The following POGZ variants were observed in gnomAD, a reference collection of about 807,000 sequenced individuals.
POGZ encodes pogo transposable element with ZNF domain.
A neutral mutation model predicts 134.6 loss-of-function variants in POGZ; 17 were observed. The ratio of observed to expected loss-of-function variants is 0.13; its 90% CI spans 0.09 to 0.19. The LOEUF (loss-of-function observed/expected upper bound fraction) is 0.19. POGZ is among the 10% of genes least tolerant of loss of function. The probability of loss-of-function intolerance (pLI) is 1.00; values close to 1 mark genes in which losing one functional copy is unlikely to be tolerated. For missense variants in POGZ, 1,306 were observed against 1,769.7 expected (o/e 0.74, Z 4.70); for synonymous variants, 693 against 657.1 (o/e 1.05, Z -0.84).
rs980243823 is a variant in POGZ, at chr1:151,408,796, C to T, written c.1959G>A (p.Arg653=). ...TGTCCTTGGCAAAGAGAAACTGCAG[C>T]CGGCATTTGTTGCAGTGATAAACAT... ...KRNVYHCNKC[R]LQFLFAKDKI... The change falls in exon 13 of 19, where the codon CGG becomes CGA. Residue 653 remains arginine (R), a synonymous_variant. Coordinates refer to ENST00000271715, the MANE Select transcript of POGZ (RefSeq NM_015100.4). 6.8e-6 allele frequency: 11 copies of T among 1,613,796 alleles called. No homozygotes were observed. The highest frequency in any genetic ancestry group is 2.2e-5 in the East Asian group (1 of 44,902).
chr1:151,413,895 CT>C (rs1328669163), intron 10 of POGZ, among the ~76,000 whole-genome samples: 1 of 152,120 alleles, frequency 6.6e-6, no homozygotes, highest in Non-Finnish European at 1.5e-5. Flanking sequence ...GGTTCTTAAT[CT>C]GGGGTCTATG....
At chr1:151,437,362 T>C (rs1659792814) in intron 3 of POGZ, among the ~76,000 whole-genome samples, 1 of 152,230 alleles carries the variant, frequency 6.6e-6, no homozygotes, top group Non-Finnish European at 1.5e-5. Flanking sequence ...TAAGAAATCT[T>C]TCCCTCTTCT....
chr1:151,417,022 G>A (rs995485069), intron 10 of POGZ, among the ~76,000 whole-genome samples: 1 of 151,738 alleles, frequency 6.6e-6, no homozygotes, highest in African/African-American at 2.4e-5. Context: ...TTTAAATAAA[G>A]TAGGTATTGA....
In POGZ at chr1:151,422,738, C is replaced by T. The variant is rs572872948; in HGVS notation, c.1678+659G>A. ...TCCCGAGTAGCTGGGATTACAGGTG[C>T]CCGCCACCACACCCAGCTAATTTTT... On this transcript the variant is annotated intron_variant, in intron 10 of 18. Coordinates refer to ENST00000271715, the MANE Select transcript of POGZ (RefSeq NM_015100.4). Among the ~76,000 whole-genome samples the T allele has an allele frequency of 4.1e-4, 62 of 152,160 alleles. 2 individuals are homozygous for T. In the East Asian group the frequency reaches 0.011, roughly 28 times the overall value.
intron 1 of POGZ, among the ~76,000 whole-genome samples, chr1:151,449,913 G>A (rs1195531630): frequency 6.6e-6 from 1 of 151,620 alleles, no homozygotes; most frequent in Non-Finnish European, 1.5e-5. Context: ...AGCAGAACAA[G>A]GTTCTTATGA....
At chr1:151,453,533 T>C (rs1233127519) in intron 1 of POGZ, among the ~76,000 whole-genome samples, 6 of 150,618 alleles carry the variant, frequency 4.0e-5, no homozygotes, top group Admixed American at 3.6e-4. Context: ...AGGTGGATTA[T>C]GTAGGCTACC....
intron 5 of POGZ, 143 bp downstream of exon 5, chr1:151,429,460 A>G: frequency 2.3e-6 from 1 of 436,958 alleles, no homozygotes; most frequent in South Asian, 4.5e-5. Flanking sequence ...CAGATTTTTT[A>G]AAATTGGGCT....
chr1:151,449,584 T>A (rs1661756410), intron 1 of POGZ, among the ~76,000 whole-genome samples: 1 of 152,110 alleles, frequency 6.6e-6, no homozygotes, highest in African/African-American at 2.4e-5. Flanking sequence ...TAAAGAACTA[T>A]CATTTCTTTT....
chr1:151,446,046 C>CA (rs1553233764), intron 1 of POGZ, among the ~76,000 whole-genome samples: 14 of 123,914 alleles, frequency 1.1e-4, no homozygotes, highest in Non-Finnish European at 2.1e-4. Flanking sequence ...CGTCTTTCAA[C>CA]TTTTTTTTTT....
intron 1 of POGZ, chr1:151,454,817 A>G (rs971724718): frequency 6.6e-6 from 1 of 152,284 alleles, no homozygotes; most frequent in Non-Finnish European, 1.5e-5. Context: ...ACATATAAAA[A>G]TACGTTTTTC....
chr1:151,452,359 T>G (rs923014014), intron 1 of POGZ, among the ~76,000 whole-genome samples: 1 of 142,700 alleles, frequency 7.0e-6, no homozygotes, highest in Non-Finnish European at 1.5e-5. Flanking sequence ...GATATTTGGC[T>G]TTTTTTTTTG....
At position 151,427,481 on chromosome 1, in the gene POGZ, G is replaced by A. The variant is rs1027715374; in HGVS notation, c.1078+342C>T. ...GCTCTAGACCACTGAAAACCCTCATGCTCATCATTCTCAACCTGAAGATCT... is the reference window on the plus strand; with the variant it reads ...GCTCTAGACCACTGAAAACCCTCATACTCATCATTCTCAACCTGAAGATCT... On this transcript the variant is annotated intron_variant, in intron 7 of 18. Coordinates refer to ENST00000271715, the MANE Select transcript of POGZ (RefSeq NM_015100.4). 1.7e-5 allele frequency: 5 copies of A among 289,344 alleles called. No individual in the cohort carries two copies. The East Asian group carries it at 4.2e-4, about 24-fold the overall frequency. The allele number at this position is 289,344 out of a possible 1,614,324, so 17.9% of individuals were successfully genotyped here.
chr1:151,416,210 C>CAAAAAAAAAAAAAAAAA (rs1212371839), intron 10 of POGZ, among the ~76,000 whole-genome samples: 48 of 42,674 alleles, frequency 1.1e-3, no homozygotes, highest in Non-Finnish European at 1.3e-3. Context: ...AACTCCATCT[C>CAAAAAAAAAAAAAAAAA]AAAAAAAAAA....
chr1:151,404,895 C>T lies in POGZ; in HGVS notation c.4140G>A (p.Glu1380=), dbSNP rs1653282282. 1 of 1,614,054 alleles carries T rather than the reference C, an allele frequency of 6.2e-7. No homozygotes were observed. Among genetic ancestry groups the T allele is most frequent in the Non-Finnish European group, 8.5e-7 (1 of 1,180,046 alleles). The change falls in exon 19 of 19, where the codon GAG becomes GAA. Residue 1380 remains glutamate (E), a synonymous_variant. Coordinates refer to ENST00000271715, the MANE Select transcript of POGZ (RefSeq NM_015100.4). The stretch of plus-strand genomic sequence containing the variant: ...CAAAGAGCTGGTGAAGACTTTCAGG[C>T]TCAATTGTCTCTTCAGGAGATGATC... ...RPRSSPEETI[E]PESLHQLFEG...
intron 3 of POGZ, among the ~76,000 whole-genome samples, chr1:151,432,459 T>C (rs773388240): frequency 6.6e-6 from 1 of 152,204 alleles, no homozygotes; most frequent in African/African-American, 2.4e-5. Context: ...CCAGTGATTG[T>C]AGAGGCAGAT....
chr1:151,433,109 G>C (rs1658974594), intron 3 of POGZ, among the ~76,000 whole-genome samples: 1 of 152,012 alleles, frequency 6.6e-6, no homozygotes, highest in Non-Finnish European at 1.5e-5. Flanking sequence ...ATAATTACTA[G>C]CTCAACATCC....
chr1:151,415,537 G>C lies in POGZ; in HGVS notation c.1679-3141C>G, dbSNP rs548140658. Among the ~76,000 whole-genome samples, 6 of 152,040 alleles carry C rather than the reference G, an allele frequency of 3.9e-5. No individual in the cohort carries two copies. The East Asian group carries it at 1.2e-3, about 30-fold the overall frequency. On this transcript the variant is annotated intron_variant, in intron 10 of 18. Coordinates refer to ENST00000271715, the MANE Select transcript of POGZ (RefSeq NM_015100.4). ...TGCAAAAAAATTAGCCGGGCGTGGT[G>C]GTGGGTGCCTGTAGTCCCAGCTACT...
At chr1:151,414,134 A>T (rs986299359) in intron 10 of POGZ, among the ~76,000 whole-genome samples, 4 of 152,238 alleles carry the variant, frequency 2.6e-5, no homozygotes, top group African/African-American at 9.6e-5. Flanking sequence ...TAAAAGCTGA[A>T]TTGTCAAAGA....
Position 151,429,694 on chromosome 1 carries a change from A to G in POGZ, c.477T>C (p.Asn159=). 3 of 1,611,254 alleles carry G rather than the reference A, an allele frequency of 1.9e-6. No individual in the cohort carries two copies. Among genetic ancestry groups the G allele is most frequent in the Non-Finnish European group, 1.7e-6 (2 of 1,177,588 alleles). The change falls in exon 5 of 19, where the codon AAT becomes AAC. Residue 159 remains asparagine, a synonymous_variant. Transcript: ENST00000271715. ...FITTQGFPVR[N]VRPVQNAMNQ... is the part of the protein sequence containing the mutation. Reference sequence around the variant, plus strand: ...TCATTGCATTTTGTACAGGCCGGACATTCCTTACAGGAAATCCCTGTATTA... The same window carrying G: ...TCATTGCATTTTGTACAGGCCGGACGTTCCTTACAGGAAATCCCTGTATTA...
Sources: allele counts gnomAD v4.1 joint callset (sites outside exome capture counted in the v4.1 genomes callset), GRCh38; gene constraint gnomAD v4.1.1; transcripts MANE v1.5; gene names NCBI Gene and HGNC (gene_info 2026-07-23, HGNC 2026-07-21).